Variants in OPA3 observed in about 807,000 individuals in gnomAD.
OPA3 encodes the protein outer mitochondrial membrane lipid metabolism regulator OPA3.
A neutral mutation model predicts 4.0 loss-of-function variants in OPA3; 6 were observed. The observed-to-expected ratio is 1.51, with a 90% CI of 0.83 to 2.99. OPA3 has a LOEUF of 2.99. OPA3 is among the 30% of genes most tolerant of loss of function. The pLI is 0.00. For synonymous variants in OPA3, 105 were observed against 117.1 expected, an observed-to-expected ratio of 0.90 and a Z score of 0.67; for missense variants, 235 against 256.2, an observed-to-expected ratio of 0.92 and a Z score of 0.56.
Position 45,553,913 on chromosome 19 carries a change from T to C in OPA3, c.143-2A>G. ...TCCGCATCTCCACCCAGTGATACAC[T>C]GCGGGGGAAGAGAGGGGTCAGGCTG... On this transcript the variant is annotated splice_acceptor_variant, in intron 1 of 1. Coordinates refer to ENST00000263275, the MANE Select transcript of OPA3 (RefSeq NM_025136.4). LOFTEE classifies it high-confidence loss of function. 3 of 1,602,820 alleles carry C rather than the reference T, an allele frequency of 1.9e-6. No homozygotes were observed. Among genetic ancestry groups the C allele is most frequent in the Non-Finnish European group, 2.6e-6 (3 of 1,171,558 alleles).
downstream of OPA3, among the ~76,000 whole-genome samples, chr19:45,542,920 C>T (rs113787422): frequency 1.3e-5 from 2 of 152,274 alleles, no homozygotes; most frequent in Admixed American, 6.5e-5. Flanking sequence ...ATCTGCCCAC[C>T]TTGGTTTCTC....
Position 45,550,514 on chromosome 19 carries a change from C to G in OPA3, c.*3000G>C. 4 of 986,774 alleles carry G rather than the reference C, an allele frequency of 4.1e-6. No homozygotes were observed. Among genetic ancestry groups the G allele is most frequent in the Non-Finnish European group, 4.8e-6 (4 of 831,020 alleles). 61.1% of individuals were successfully genotyped at this position (986,774 alleles called of 1,614,324 possible). On this transcript the variant is annotated 3_prime_UTR_variant, in exon 2 of 2. Transcript: ENST00000263275. Reference sequence around the variant, plus strand: ...GCCTCTGCTCAGCCATCGCCTCTCCCTCCTCACTCTGCAGCTGGGGTAATC... The same window carrying G: ...GCCTCTGCTCAGCCATCGCCTCTCCGTCCTCACTCTGCAGCTGGGGTAATC...
chr19:45,574,552 T>A (rs1174244745), intron 1 of OPA3, among the ~76,000 whole-genome samples: 2 of 152,176 alleles, frequency 1.3e-5, no homozygotes, highest in Non-Finnish European at 2.9e-5. Context: ...TCTATTAGTA[T>A]CCCATTTGAT....
rs2122440942 is a variant in OPA3, at chr19:45,553,910, C to T, written c.144G>A (p.Leu48=). The T allele has an allele frequency of 1.9e-6, 3 of 1,605,134 alleles. No individual in the cohort carries two copies. The highest frequency in any genetic ancestry group is 2.6e-6 in the Non-Finnish European group (3 of 1,173,392). ...TGGTCCGCATCTCCACCCAGTGATA[C>T]ACTGCGGGGGAAGAGAGGGGTCAGG... The part of the protein sequence containing the change: ...KTYICLPPAQ[L]YHWVEMRTKM... The change falls in exon 2 of 2, where the codon CTG becomes CTA. Residue 48 remains leucine (L), a splice_region_variant and synonymous_variant. Coordinates refer to ENST00000263275, the MANE Select transcript of OPA3 (RefSeq NM_025136.4).
intron 1 of OPA3, among the ~76,000 whole-genome samples, chr19:45,541,194 T>TA (rs1036822952): frequency 2.0e-5 from 3 of 152,200 alleles, no homozygotes; most frequent in African/African-American, 7.2e-5. Flanking sequence ...ATGGGGCTTT[T>TA]AGCCACATGC....
At chr19:45,543,264 G>T (rs1969207446), downstream of OPA3, among the ~76,000 whole-genome samples, 1 of 151,826 alleles carries the variant, frequency 6.6e-6, no homozygotes, top group African/African-American at 2.4e-5. Context: ...TCCAGCTTTG[G>T]CCTCCCTAAG....
At chr19:45,535,756 T>G (rs1170060066) in intron 1 of OPA3, among the ~76,000 whole-genome samples, 3 of 115,238 alleles carry the variant, frequency 2.6e-5, no homozygotes, top group African/African-American at 3.7e-5. Context: ...ACTGTTTTTT[T>G]CTTTTCTTTT....
At chr19:45,568,546 T>TGCAG (rs367756080) in intron 1 of OPA3, among the ~76,000 whole-genome samples, 68 of 152,272 alleles carry the variant, frequency 4.5e-4, no homozygotes, top group African/African-American at 1.3e-3. Flanking sequence ...AACAGAATTG[T>TGCAG]GCAGGCCGCA....
intron 1 of OPA3, among the ~76,000 whole-genome samples, chr19:45,570,559 C>T (rs1262286482): frequency 6.6e-6 from 1 of 152,084 alleles, no homozygotes; most frequent in Non-Finnish European, 1.5e-5. Context: ...TAATGGCACA[C>T]CCCTGTAATC....
chr19:45,562,546 G>T (rs1969520630), intron 1 of OPA3, among the ~76,000 whole-genome samples: 1 of 151,814 alleles, frequency 6.6e-6, no homozygotes, highest in Admixed American at 6.6e-5. Context: ...AAGATTAGCT[G>T]GGTGTGATGG....
At chr19:45,575,717 C>T (rs1969756560) in intron 1 of OPA3, among the ~76,000 whole-genome samples, 1 of 152,162 alleles carries the variant, frequency 6.6e-6, no homozygotes. Flanking sequence ...AGCAATCCTG[C>T]CGCAGCCTCC....
chr19:45,566,029 A>G (rs918206973), intron 1 of OPA3, among the ~76,000 whole-genome samples: 1 of 152,262 alleles, frequency 6.6e-6, no homozygotes, highest in Non-Finnish European at 1.5e-5. Context: ...TGATGACCAC[A>G]GATGAAATCT....
At position 45,562,562 on chromosome 19, in the gene OPA3, G is replaced by A. The variant is rs567344947; in HGVS notation, c.143-8651C>T. Among the ~76,000 whole-genome samples the A allele has an allele frequency of 1.1e-4, 17 of 151,104 alleles. No homozygotes were observed. In the South Asian group the frequency reaches 3.1e-3, roughly 28 times the overall value. ...AGATTAGCTGGGTGTGATGGCGCAC[G>A]CCTGTAATCTCAGCTACTCAGGAGG... On this transcript the variant is annotated intron_variant, in intron 1 of 1. Transcript: ENST00000263275.
At chr19:45,539,675 G>A (rs1012944729) in intron 1 of OPA3, among the ~76,000 whole-genome samples, 16 of 151,772 alleles carry the variant, frequency 1.1e-4, no homozygotes, top group Admixed American at 5.3e-4. Context: ...GCTACTGGGC[G>A]GGGGTGGGGC....
chr19:45,584,569 C>T, intron 1 of OPA3, 54 bp downstream of exon 1: 1 of 1,613,420 alleles, frequency 6.2e-7, no homozygotes, highest in Non-Finnish European at 8.5e-7. Flanking sequence ...AAGCAACCAC[C>T]TGACAGGGGT....
chr19:45,558,569 G>T (rs1969454548), intron 1 of OPA3, among the ~76,000 whole-genome samples: 1 of 152,152 alleles, frequency 6.6e-6, no homozygotes, highest in South Asian at 2.1e-4. Context: ...CTCTTCAACT[G>T]GAGGTTTGTT....
chr19:45,569,330 G>A (rs1969627889), intron 1 of OPA3, among the ~76,000 whole-genome samples: 1 of 152,062 alleles, frequency 6.6e-6, no homozygotes. Flanking sequence ...GTGGTGGCGG[G>A]CACCTGTAGT....
Position 45,584,639 on chromosome 19 carries a change from G to A in OPA3, c.126C>T (p.Cys42=), listed in dbSNP as rs2122529204. The part of the protein sequence containing the change: ...RRSEFFKTYI[C]LPPAQLYHWV... ...CAGACTCACGTTGAGCCGGCGGGAG[G>A]CAGATATAGGTCTTGAAGAACTCGC... Residue 42 remains cysteine, a synonymous_variant, in exon 1 of 2, where the codon TGC becomes TGT. Coordinates refer to ENST00000263275, the MANE Select transcript of OPA3 (RefSeq NM_025136.4). 6.2e-7 allele frequency: 1 copy of A among 1,614,210 alleles called. No individual in the cohort carries two copies.
At chr19:45,576,547 C>CCCA (rs1555735885) in intron 1 of OPA3, among the ~76,000 whole-genome samples, 30 of 113,322 alleles carry the variant, frequency 2.6e-4, no homozygotes, top group African/African-American at 7.6e-4. Context: ...CCCCCCCCCC[C>CCCA]AAAAAAAAAA....
Sources: gnomAD v4.1 joint callset for allele counts (sites outside exome capture counted in the v4.1 genomes callset) on GRCh38, gnomAD v4.1.1 for gene constraint, MANE v1.5 for transcripts, NCBI Gene and HGNC (gene_info 2026-07-23, HGNC 2026-07-21) for gene names.